Variants in LDLRAD3 observed in about 807,000 individuals in gnomAD.
LDLRAD3 encodes the protein low density lipoprotein receptor class A domain containing 3.
In LDLRAD3, 20 loss-of-function variants were observed where a neutral mutation model predicts 29.4. That is an observed-to-expected ratio of 0.68 (90% CI 0.48 to 0.99). LDLRAD3 has a LOEUF of 0.99. Among genes scored for constraint, LDLRAD3 ranks in the 50% least tolerant of loss-of-function variants. The pLI is 0.00. For missense variants in LDLRAD3, 420 were observed against 454.3 expected (o/e 0.92, Z 0.69); for synonymous variants, 157 against 192.7 (o/e 0.81, Z 1.53).
intron 2 of LDLRAD3, among the ~76,000 whole-genome samples, chr11:36,048,804 G>T (rs1349176830): frequency 1.3e-5 from 2 of 152,184 alleles, no homozygotes; most frequent in East Asian, 3.8e-4. Context: ...ACCTGCCACT[G>T]CTTTCTTGGA....
intron 4 of LDLRAD3, among the ~76,000 whole-genome samples, chr11:36,219,280 G>A (rs1239925308): frequency 6.6e-6 from 1 of 152,118 alleles, no homozygotes; most frequent in Non-Finnish European, 1.5e-5. Context: ...GGGACATTTT[G>A]TCTGCCTTGA....
At chr11:36,200,699 A>G (rs1057362727) in intron 4 of LDLRAD3, among the ~76,000 whole-genome samples, 2 of 152,240 alleles carry the variant, frequency 1.3e-5, no homozygotes, top group African/African-American at 4.8e-5. Flanking sequence ...TTAGGAGCAT[A>G]CTTAATTTCT....
At chr11:36,223,755 T>TA (rs34618596) in intron 4 of LDLRAD3, among the ~76,000 whole-genome samples, 110,803 of 151,192 alleles carry the variant, frequency 0.73, 40,635 homozygotes, top group Admixed American at 0.76. Flanking sequence ...GAATAAAAAA[T>TA]AAAAAAAATA....
intron 4 of LDLRAD3, among the ~76,000 whole-genome samples, chr11:36,156,410 T>C (rs1854351798): frequency 6.6e-6 from 1 of 152,202 alleles, no homozygotes; most frequent in African/African-American, 2.4e-5. Flanking sequence ...TGGCAGAACA[T>C]GGATGGGGCA....
intron 4 of LDLRAD3, among the ~76,000 whole-genome samples, chr11:36,226,504 G>A (rs73441320): frequency 0.045 from 6,867 of 152,290 alleles, 475 homozygotes; most frequent in African/African-American, 0.15. Context: ...GATAGCATAT[G>A]ATACTTTTTA....
chr11:36,031,157 T>A (rs768626297), intron 1 of LDLRAD3, among the ~76,000 whole-genome samples: 5 of 152,150 alleles, frequency 3.3e-5, no homozygotes, highest in Non-Finnish European at 5.9e-5. Context: ...TGGGCAACTC[T>A]TTTTCATTTT....
At chr11:36,020,463 T>C (rs1852081971) in intron 1 of LDLRAD3, among the ~76,000 whole-genome samples, 1 of 152,200 alleles carries the variant, frequency 6.6e-6, no homozygotes, top group Admixed American at 6.5e-5. Flanking sequence ...ATGTTTATAG[T>C]ATTTTAGCAC....
At chr11:36,200,700 C>T (rs566554254) in intron 4 of LDLRAD3, among the ~76,000 whole-genome samples, 1 of 152,344 alleles carries the variant, frequency 6.6e-6, no homozygotes, top group East Asian at 1.9e-4. Context: ...TAGGAGCATA[C>T]TTAATTTCTC....
chr11:35,998,479 A>G (rs1851782606), intron 1 of LDLRAD3, among the ~76,000 whole-genome samples: 2 of 152,196 alleles, frequency 1.3e-5, no homozygotes, highest in Admixed American at 6.5e-5. Flanking sequence ...GTGCTCAGCT[A>G]TGTGAAATGC....
At chr11:36,069,100 T>C (rs1290907203) in intron 2 of LDLRAD3, among the ~76,000 whole-genome samples, 1 of 152,240 alleles carries the variant, frequency 6.6e-6, no homozygotes, top group East Asian at 1.9e-4. Flanking sequence ...ACTTGGAGTC[T>C]ACTCCAGTAG....
intron 4 of LDLRAD3, among the ~76,000 whole-genome samples, chr11:36,127,707 GT>G (rs1201551345): frequency 2.6e-5 from 4 of 152,070 alleles, no homozygotes; most frequent in Non-Finnish European, 5.9e-5. Flanking sequence ...TTTTATTTAG[GT>G]TATGTCATTT....
At chr11:36,045,287 G>A (rs891796097) in intron 2 of LDLRAD3, among the ~76,000 whole-genome samples, 3 of 152,186 alleles carry the variant, frequency 2.0e-5, no homozygotes, top group African/African-American at 7.2e-5. Context: ...TTTTGAAGAT[G>A]TTGGTAATTT....
intron 3 of LDLRAD3, among the ~76,000 whole-genome samples, chr11:36,082,047 T>C (rs140142202): frequency 3.7e-4 from 56 of 152,354 alleles, no homozygotes; most frequent in Non-Finnish European, 7.2e-4. Context: ...GTATTATCCT[T>C]AGTTAACAGA....
At chr11:36,169,049 G>T (rs529067938) in intron 4 of LDLRAD3, among the ~76,000 whole-genome samples, 204 of 152,298 alleles carry the variant, frequency 1.3e-3, no homozygotes, top group Middle Eastern at 3.4e-3. Context: ...TCTCCCAGAA[G>T]AGTTGTCTTA....
intron 4 of LDLRAD3, among the ~76,000 whole-genome samples, chr11:36,211,006 C>T (rs543721628): frequency 6.6e-6 from 1 of 152,146 alleles, no homozygotes; most frequent in Non-Finnish European, 1.5e-5. Context: ...AGAGTAACTT[C>T]CCAAAGAGAC....
chr11:36,088,783 C>T (rs78280624), intron 3 of LDLRAD3, among the ~76,000 whole-genome samples: 3,806 of 152,292 alleles, frequency 0.025, 69 homozygotes, highest in Non-Finnish European at 0.039. Context: ...TGACTGGTTT[C>T]CTTTGGAAAT....
chr11:35,956,837 AC>A (rs1203280927), intron 1 of LDLRAD3, among the ~76,000 whole-genome samples: 1 of 151,876 alleles, frequency 6.6e-6, no homozygotes, highest in Admixed American at 6.6e-5. Flanking sequence ...CCGGGTTCAC[AC>A]CATTCTCCTG....
chr11:36,068,439 C>G (rs181647307), intron 2 of LDLRAD3, among the ~76,000 whole-genome samples: 4 of 152,100 alleles, frequency 2.6e-5, no homozygotes, highest in Admixed American at 2.6e-4. Context: ...CAGATGGGGA[C>G]GCTGAGGCTG....
chr11:36,098,299 G>A, intron 3 of LDLRAD3, 28 bp from the exon 4 acceptor site: 1 of 1,612,862 alleles, frequency 6.2e-7, no homozygotes, highest in Non-Finnish European at 8.5e-7. Context: ...TGGCCTCCCT[G>A]GTAATGTGCT....
Sources: allele counts gnomAD v4.1 joint callset (sites outside exome capture counted in the v4.1 genomes callset), GRCh38; gene constraint gnomAD v4.1.1; transcripts MANE v1.5; gene names NCBI Gene and HGNC (gene_info 2026-07-23, HGNC 2026-07-21).